The following TSHZ2 variants were observed in gnomAD, a reference collection of about 807,000 sequenced individuals.
TSHZ2 encodes teashirt homolog 2.
Under a neutral mutation model 74.4 loss-of-function variants are expected in TSHZ2, and 21 were observed. The observed-to-expected ratio is 0.28, with a 90% confidence interval of 0.20 to 0.41. The LOEUF (loss-of-function observed/expected upper bound fraction) is 0.41. TSHZ2 is among the 10% of genes least tolerant of loss of function. The pLI is 1.00. For synonymous variants in TSHZ2, 540 were observed against 515.3 expected (o/e 1.05, Z -0.65); for missense variants, 1,244 against 1,293.5 (o/e 0.96, Z 0.59).
At chr20:53,242,024 G>A (rs1326557164) in intron 1 of TSHZ2, among the ~76,000 whole-genome samples, 2 of 152,148 alleles carry the variant, frequency 1.3e-5, no homozygotes, top group African/African-American at 4.8e-5. Context: ...ATAATAGAGT[G>A]TTCTTCTCTG....
intron 1 of TSHZ2, among the ~76,000 whole-genome samples, chr20:53,128,685 A>G (rs909313950): frequency 6.6e-6 from 1 of 151,316 alleles, no homozygotes; most frequent in Non-Finnish European, 1.5e-5. Flanking sequence ...ACAGTGGTGC[A>G]ATCTCAGCTC....
intron 2 of TSHZ2, among the ~76,000 whole-genome samples, chr20:53,318,855 A>T (rs1400720922): frequency 2.0e-5 from 3 of 152,206 alleles, no homozygotes; most frequent in Admixed American, 2.0e-4. Flanking sequence ...ATTTATAAAG[A>T]AAAAGAGGTT....
intron 1 of TSHZ2, among the ~76,000 whole-genome samples, chr20:53,005,327 A>C (rs1982602920): frequency 6.6e-6 from 1 of 152,150 alleles, no homozygotes; most frequent in Admixed American, 6.6e-5. Flanking sequence ...TAAATAAATA[A>C]ATAAATAAAC....
chr20:53,168,853 TA>T (rs1988123104), intron 1 of TSHZ2: 1 of 152,068 alleles, frequency 6.6e-6, no homozygotes, highest in Non-Finnish European at 1.5e-5. Context: ...GGTCTTCCTG[TA>T]GCAAGAGAAA....
chr20:53,362,785 T>C (rs1981117165), intron 2 of TSHZ2, among the ~76,000 whole-genome samples: 1 of 152,224 alleles, frequency 6.6e-6, no homozygotes, highest in South Asian at 2.1e-4. Flanking sequence ...TTATTATAAA[T>C]ACTTCCCTTG....
chr20:52,984,488 C>T (rs1424432101), intron 1 of TSHZ2, among the ~76,000 whole-genome samples: 1 of 152,154 alleles, frequency 6.6e-6, no homozygotes, highest in African/African-American at 2.4e-5. Context: ...AAGACAGTGC[C>T]AGGCACAGCT....
At chr20:53,162,921 T>C (rs1219561671) in intron 1 of TSHZ2, among the ~76,000 whole-genome samples, 1 of 152,214 alleles carries the variant, frequency 6.6e-6, no homozygotes, top group East Asian at 1.9e-4. Context: ...TTTAACCAGT[T>C]TATTTCCAAT....
chr20:52,973,413 G>A (rs1480874872), intron 1 of TSHZ2, 80 bp downstream of exon 1: 2 of 1,527,798 alleles, frequency 1.3e-6, no homozygotes, highest in African/African-American at 1.4e-5. Flanking sequence ...GGTGCCCGGG[G>A]GCACCACCCA....
At chr20:53,283,446 C>G (rs1451655357) in intron 2 of TSHZ2, among the ~76,000 whole-genome samples, 1 of 152,172 alleles carries the variant, frequency 6.6e-6, no homozygotes, top group Non-Finnish European at 1.5e-5. Flanking sequence ...GATGAAGTAC[C>G]TAAAGTCAAC....
At chr20:53,486,909 C>G (rs1986302880) in intron 2 of TSHZ2, among the ~76,000 whole-genome samples, 1 of 152,112 alleles carries the variant, frequency 6.6e-6, no homozygotes, top group African/African-American at 2.4e-5. Context: ...CATCTGTGCT[C>G]AGTGTTTAGC....
intron 1 of TSHZ2, among the ~76,000 whole-genome samples, chr20:53,106,989 C>T (rs111715650): frequency 0.039 from 5,967 of 152,230 alleles, 196 homozygotes; most frequent in African/African-American, 0.09. Context: ...TGAGCCACCG[C>T]GCCTGGCCCT....
At chr20:53,283,538 G>A (rs1232693529) in intron 2 of TSHZ2, among the ~76,000 whole-genome samples, 1 of 152,120 alleles carries the variant, frequency 6.6e-6, no homozygotes, top group Non-Finnish European at 1.5e-5. Flanking sequence ...CTGGACTTTA[G>A]GGCTTGCTGG....
intron 1 of TSHZ2, among the ~76,000 whole-genome samples, chr20:53,172,801 T>C (rs1988232131): frequency 6.6e-6 from 1 of 152,210 alleles, no homozygotes; most frequent in Non-Finnish European, 1.5e-5. Flanking sequence ...GACTTGATAT[T>C]CCATTCGGTC....
At chr20:53,072,809 A>G (rs1209101249) in intron 1 of TSHZ2, among the ~76,000 whole-genome samples, 1 of 152,176 alleles carries the variant, frequency 6.6e-6, no homozygotes, top group Non-Finnish European at 1.5e-5. Context: ...CGAGGCAGGT[A>G]AATTCACTAG....
At chr20:53,089,512 G>C (rs980875621) in intron 1 of TSHZ2, among the ~76,000 whole-genome samples, 8 of 152,078 alleles carry the variant, frequency 5.3e-5, no homozygotes, top group African/African-American at 1.7e-4. Flanking sequence ...TCTATTACAT[G>C]CCAGGCACTG....
At chr20:53,356,486 G>C (rs544616190) in intron 2 of TSHZ2, among the ~76,000 whole-genome samples, 1 of 152,242 alleles carries the variant, frequency 6.6e-6, no homozygotes, top group Admixed American at 6.5e-5. Context: ...TGCTTAAAAA[G>C]TTTTTAATAA....
chr20:53,432,170 C>T (rs1424633410), intron 2 of TSHZ2, among the ~76,000 whole-genome samples: 1 of 152,214 alleles, frequency 6.6e-6, no homozygotes, highest in Non-Finnish European at 1.5e-5. Context: ...CACCATTCTG[C>T]ATGCCTTCAC....
chr20:53,272,342 A>G (rs1990857524), intron 2 of TSHZ2, among the ~76,000 whole-genome samples: 1 of 152,124 alleles, frequency 6.6e-6, no homozygotes, highest in African/African-American at 2.4e-5. Flanking sequence ...CCTCCAGTTG[A>G]CATTGGATAC....
At chr20:52,985,351 G>A (rs903934645) in intron 1 of TSHZ2, among the ~76,000 whole-genome samples, 4 of 152,086 alleles carry the variant, frequency 2.6e-5, no homozygotes, top group African/African-American at 4.8e-5. Flanking sequence ...CAGATAATAC[G>A]CTTAACACCG....
Sources: gnomAD v4.1 joint callset for allele counts (sites outside exome capture counted in the v4.1 genomes callset) on GRCh38, gnomAD v4.1.1 for gene constraint, MANE v1.5 for transcripts, NCBI Gene and HGNC (gene_info 2026-07-23, HGNC 2026-07-21) for gene names.